The following WDPCP variants were observed in gnomAD, a reference collection of about 807,000 sequenced individuals.
WDPCP encodes WD repeat containing planar cell polarity effector, also known as WD repeat-containing and planar cell polarity effector protein fritz homolog.
WDPCP carries 71 observed loss-of-function variants against 93.1 expected under a neutral mutation model. The ratio of observed to expected loss-of-function variants is 0.76; its 90% confidence interval spans 0.63 to 0.93. WDPCP has a LOEUF of 0.93. Ranked by LOEUF, WDPCP falls within the 40% of genes least tolerant of loss-of-function variation. The pLI, the probability that WDPCP is intolerant of heterozygous loss-of-function variation, is 0.00. For missense variants in WDPCP, 844 were observed against 887.4 expected (o/e 0.95, Z 0.62); for synonymous variants, 315 against 315.0 (o/e 1.00, Z 0.00).
chr2:63,510,188 T>A (rs1333002875), intron 1 of WDPCP, among the ~76,000 whole-genome samples: 2 of 152,110 alleles, frequency 1.3e-5, no homozygotes, highest in Non-Finnish European at 2.9e-5. Context: ...CTTATACAAA[T>A]ACTGGCAAAC....
chr2:63,462,190 G>A (rs556315388), intron 6 of WDPCP, among the ~76,000 whole-genome samples: 102 of 152,314 alleles, frequency 6.7e-4, no homozygotes, highest in Middle Eastern at 3.4e-3. Context: ...ATGAGTTCAT[G>A]TCCTTTGTAG....
chr2:63,817,064 G>A (rs969745612), intron 1 of WDPCP, among the ~76,000 whole-genome samples: 1 of 151,784 alleles, frequency 6.6e-6, no homozygotes, highest in Admixed American at 6.6e-5. Flanking sequence ...TTACACAGGC[G>A]AATAGTTTGT....
chr2:63,538,378 T>C (rs1042607496), intron 1 of WDPCP, among the ~76,000 whole-genome samples: 1 of 152,186 alleles, frequency 6.6e-6, no homozygotes, highest in African/African-American at 2.4e-5. Flanking sequence ...CACTGAGAAA[T>C]GTGAGTATCC....
At chr2:63,477,809 C>T (rs964097333) in intron 6 of WDPCP, 1 of 152,126 alleles carries the variant, frequency 6.6e-6, no homozygotes, top group Non-Finnish European at 1.5e-5. Context: ...AAGGATCTCA[C>T]CTTACCTGGA....
intron 1 of WDPCP, among the ~76,000 whole-genome samples, chr2:63,502,775 G>A (rs1217927369): frequency 4.0e-5 from 6 of 149,674 alleles, no homozygotes; most frequent in East Asian, 3.9e-4. Context: ...TGTAGAATCT[G>A]ATTTAAAAAA....
intron 1 of WDPCP, among the ~76,000 whole-genome samples, chr2:63,555,759 A>C (rs1242885235): frequency 6.6e-6 from 1 of 152,166 alleles, no homozygotes; most frequent in African/African-American, 2.4e-5. Context: ...CCTACAGAAG[A>C]GGGGTCTGAC....
chr2:63,681,799 T>C (rs1668699727), intron 2 of WDPCP, among the ~76,000 whole-genome samples: 1 of 152,148 alleles, frequency 6.6e-6, no homozygotes, highest in Admixed American at 6.5e-5. Context: ...CAGTGGTGCT[T>C]GTATCACTGC....
In WDPCP at chr2:63,335,271, A is replaced by G. The variant is rs547010005; in HGVS notation, c.1749-21960T>C. Among the ~76,000 whole-genome samples, 31 of 152,266 alleles carry G rather than the reference A, an allele frequency of 2.0e-4. No individual in the cohort carries two copies. In the South Asian group the frequency reaches 5.2e-3, roughly 26 times the overall value. The stretch of plus-strand genomic sequence containing the variant: ...TCCCCAGACCCTCTTTGGAAAAAGC[A>G]TGGACCACAATTTTTCCTGTGAATC... On this transcript the variant is annotated intron_variant, in intron 12 of 17. Transcript: ENST00000272321.
chr2:63,183,952 T>G (rs1674438635), intron 14 of WDPCP, among the ~76,000 whole-genome samples: 2 of 152,162 alleles, frequency 1.3e-5, no homozygotes, highest in Non-Finnish European at 2.9e-5. Flanking sequence ...TCCTGCTCAC[T>G]TTTAGTTTCT....
chr2:63,332,618 C>T (rs1351444150), intron 12 of WDPCP, among the ~76,000 whole-genome samples: 1 of 152,052 alleles, frequency 6.6e-6, no homozygotes, highest in Non-Finnish European at 1.5e-5. Context: ...TTTATATATG[C>T]TGGATACAAT....
chr2:63,520,864 A>G (rs1315157250), intron 1 of WDPCP, among the ~76,000 whole-genome samples: 2 of 151,128 alleles, frequency 1.3e-5, no homozygotes, highest in Admixed American at 6.6e-5. Context: ...GCCACGGCAC[A>G]TCAGCCTGGG....
intron 14 of WDPCP, among the ~76,000 whole-genome samples, chr2:63,188,262 C>T (rs772242587): frequency 2.0e-5 from 3 of 152,090 alleles, no homozygotes; most frequent in Admixed American, 6.6e-5. Flanking sequence ...ACTGTTTGTT[C>T]AAATAAGCTC....
At chr2:63,388,433 G>C (rs369447876) in intron 10 of WDPCP, among the ~76,000 whole-genome samples, 16 of 152,314 alleles carry the variant, frequency 1.1e-4, no homozygotes, top group African/African-American at 3.8e-4. Flanking sequence ...AAACCACAGA[G>C]ATGAGGAGAA....
chr2:63,605,168 G>A, intron 3 of WDPCP: 1 of 718,138 alleles, frequency 1.4e-6, no homozygotes, highest in African/African-American at 1.8e-5. Flanking sequence ...ATTTTGGAGG[G>A]GAAACATTAA....
chr2:63,598,761 C>T (rs1040223826), intron 3 of WDPCP, among the ~76,000 whole-genome samples: 5 of 152,032 alleles, frequency 3.3e-5, no homozygotes, highest in African/African-American at 1.2e-4. Flanking sequence ...AAATTGCAGG[C>T]TATTTGGAGG....
At chr2:63,230,506 C>G (rs534840831) in intron 14 of WDPCP, among the ~76,000 whole-genome samples, 1 of 152,092 alleles carries the variant, frequency 6.6e-6, no homozygotes, top group African/African-American at 2.4e-5. Context: ...CTTGAGGAAT[C>G]GCCACACTGT....
chr2:63,244,073 C>A (rs946187863), intron 14 of WDPCP, among the ~76,000 whole-genome samples: 3 of 151,998 alleles, frequency 2.0e-5, no homozygotes, highest in Non-Finnish European at 4.4e-5. Context: ...AAATCAATAT[C>A]AAAGGTCTCT....
At chr2:63,624,303 A>C (rs1709783166) in intron 3 of WDPCP, among the ~76,000 whole-genome samples, 1 of 152,206 alleles carries the variant, frequency 6.6e-6, no homozygotes, top group African/African-American at 2.4e-5. Flanking sequence ...ACTAACTCAA[A>C]AGCTAGCAGA....
chr2:63,835,117 T>C, the WDPCP span, among the ~76,000 whole-genome samples: 2 of 152,014 alleles, frequency 1.3e-5, no homozygotes, highest in Non-Finnish European at 2.9e-5. Flanking sequence ...CCAGGCGTCA[T>C]GGCTCAAACT....
Sources: gnomAD v4.1 joint callset for allele counts (sites outside exome capture counted in the v4.1 genomes callset) on GRCh38, gnomAD v4.1.1 for gene constraint, MANE v1.5 for transcripts, NCBI Gene and HGNC (gene_info 2026-07-23, HGNC 2026-07-21) for gene names.